Variants in IFT22 observed in about 807,000 individuals in gnomAD.
IFT22 encodes the protein intraflagellar transport 22, also known as intraflagellar transport protein 22 homolog.
Under a neutral mutation model 21.0 loss-of-function variants are expected in IFT22, and 13 were observed. That is an observed-to-expected ratio of 0.62 (90% CI 0.40 to 0.98). IFT22 has a LOEUF of 0.98. Ranked by LOEUF, IFT22 falls within the 50% of genes least tolerant of loss-of-function variation. The pLI is 0.00. For missense variants in IFT22, 227 were observed against 228.9 expected (o/e 0.99, Z 0.06); for synonymous variants, 67 against 82.4 (o/e 0.81, Z 1.01).
Position 101,315,997 on chromosome 7 carries a change from C to CT in IFT22, c.409+342dup, listed in dbSNP as rs59453200. ...TGAGCCACCGCACCCGGTCTTTTCT[C>CT]TTTTTTTTTTTTTTTTTTTGAGATG... On this transcript the variant is annotated intron_variant, in intron 4 of 4. Transcript: ENST00000315322. 1,342 of 141,864 alleles carry CT rather than the reference C, an allele frequency of 9.5e-3. 20 individuals carry two copies. The highest frequency in any genetic ancestry group is 0.031 in the African/African-American group (943 of 30,498). The allele number at this position is 141,864 out of a possible 1,614,324, so 8.8% of individuals were successfully genotyped here.
intron 1 of IFT22, among the ~76,000 whole-genome samples, chr7:101,319,607 T>C (rs924515608): frequency 2.0e-5 from 3 of 151,868 alleles, no homozygotes; most frequent in African/African-American, 7.3e-5. Context: ...ATGCAGCTGT[T>C]TGTCCATCTC....
chr7:101,310,976 A>G lies in IFT22; in HGVS notation c.*4158T>C. The stretch of plus-strand genomic sequence containing the variant: ...TACTCTGGCCATTCAGGTGAACAAA[A>G]TCTGCTGGGTTAATTTTTTTTTTTT... On this transcript the variant is annotated 3_prime_UTR_variant, in exon 5 of 5. Coordinates refer to ENST00000315322, the MANE Select transcript of IFT22 (RefSeq NM_022777.4). 3.4e-6 allele frequency: 1 copy of G among 297,268 alleles called. No homozygotes were observed. Among genetic ancestry groups the G allele is most frequent in the East Asian group, 8.0e-5 (1 of 12,462 alleles). 18.4% of individuals were successfully genotyped at this position (297,268 alleles called of 1,614,324 possible).
At chr7:101,320,883 A>G (rs900450192) in intron 1 of IFT22, among the ~76,000 whole-genome samples, 1 of 152,036 alleles carries the variant, frequency 6.6e-6, no homozygotes, top group Non-Finnish European at 1.5e-5. Flanking sequence ...GCGGTGGCTC[A>G]TCCCTATAAT....
intron 1 of IFT22, among the ~76,000 whole-genome samples, chr7:101,320,502 G>C (rs1790305267): frequency 6.9e-6 from 1 of 144,536 alleles, no homozygotes; most frequent in Admixed American, 6.9e-5. Flanking sequence ...CTTGTGATAT[G>C]CCTGCCTCGG....
chr7:101,313,560 G>T lies in IFT22; in HGVS notation c.*1574C>A, dbSNP rs36079227. On this transcript the variant is annotated 3_prime_UTR_variant, in exon 5 of 5. Coordinates refer to ENST00000315322, the MANE Select transcript of IFT22 (RefSeq NM_022777.4). Reference sequence around the variant, plus strand: ...GTTGGCCAGGATGGTCTCGATCTCTGGACCTTGTGATCCGCCTGCCTCGGC... The same window carrying T: ...GTTGGCCAGGATGGTCTCGATCTCTTGACCTTGTGATCCGCCTGCCTCGGC... 23,353 of 151,846 alleles carry T rather than the reference G, an allele frequency of 0.15. 1,889 individuals carry two copies. Among genetic ancestry groups the T allele is most frequent in the South Asian group, 0.16 (791 of 4,798 alleles). 9.4% of individuals were successfully genotyped at this position (151,846 alleles called of 1,614,324 possible).
intron 3 of IFT22, among the ~76,000 whole-genome samples, chr7:101,316,857 G>C (rs1283804195): frequency 6.6e-6 from 1 of 152,150 alleles, no homozygotes; most frequent in African/African-American, 2.4e-5. Flanking sequence ...CCAGGAGGCA[G>C]AGCTTGCAGT....
chr7:101,314,925 T>A lies in IFT22; in HGVS notation c.*209A>T, dbSNP rs1790095840. 1.8e-6 allele frequency: 1 copy of A among 546,466 alleles called. No homozygotes were observed. The highest frequency in any genetic ancestry group is 1.9e-5 in the African/African-American group (1 of 52,614). 33.9% of individuals were successfully genotyped at this position (546,466 alleles called of 1,614,324 possible). A position where few individuals can be genotyped will look rare whatever the true frequency, so the allele number is the denominator to read the frequency against. On this transcript the variant is annotated 3_prime_UTR_variant, in exon 5 of 5. Transcript: ENST00000315322. ...AGTTCTGGGGCCAGGAAATCCAAAT[T>A]TGATAATAGGATTTTCTCAACTGAA...
chr7:101,318,057 C>T (rs1266930915), intron 3 of IFT22, 67 bp downstream of exon 3: 18 of 1,396,794 alleles, frequency 1.3e-5, no homozygotes, highest in African/African-American at 4.3e-5. Context: ...TGTGAGCCAC[C>T]GCCCCTGGCT....
chr7:101,321,193 C>T (rs1790336455), intron 1 of IFT22, among the ~76,000 whole-genome samples: 1 of 151,650 alleles, frequency 6.6e-6, no homozygotes, highest in Non-Finnish European at 1.5e-5. Flanking sequence ...CGTGGTGGTG[C>T]ACGCCTGTAG....
At position 101,311,782 on chromosome 7, in the gene IFT22, C is replaced by T. The variant is rs79368751; in HGVS notation, c.*3352G>A. On this transcript the variant is annotated 3_prime_UTR_variant, in exon 5 of 5. Coordinates refer to ENST00000315322, the MANE Select transcript of IFT22 (RefSeq NM_022777.4). ...ATCCCAGCACTTTGGGAGGCTGAGG[C>T]GGGTAGACCACAAGGTCAGGAGTTC... Among the ~76,000 whole-genome samples, 1,015 of 151,778 alleles carry T rather than the reference C, an allele frequency of 6.7e-3. 27 individuals are homozygous for T. The East Asian group carries it at 0.092, about 14-fold the overall frequency.
rs188855274 is a variant in IFT22 at position 101,320,779 on chromosome 7, G to A, written c.39+892C>T. Among the ~76,000 whole-genome samples the A allele has an allele frequency of 4.3e-3, 661 of 152,196 alleles. 5 individuals carry two copies. The highest frequency in any genetic ancestry group is 0.015 in the African/African-American group (633 of 41,526). On this transcript the variant is annotated intron_variant, in intron 1 of 4. Transcript: ENST00000315322. ...GAACTTTGAGAGACTGAGGCGGGAG[G>A]ACTGTTTGAGCCCAAGAGTTGGAGA...
chr7:101,311,366 T>A lies in IFT22; in HGVS notation c.*3768A>T, dbSNP rs947316211. ...TAATTTCCTTTTGAGGTGGTCAATT[T>A]TGTGAGATGGATTCTTGTTAGGCAG... On this transcript the variant is annotated 3_prime_UTR_variant, in exon 5 of 5. Transcript: ENST00000315322. 6.6e-6 allele frequency among the ~76,000 whole-genome samples: 1 copy of A among 152,200 alleles called. No homozygotes were observed. The highest frequency in any genetic ancestry group is 1.5e-5 in the Non-Finnish European group (1 of 68,038).
intron 1 of IFT22, among the ~76,000 whole-genome samples, chr7:101,320,421 G>A (rs1423912370): frequency 2.0e-5 from 3 of 151,364 alleles, no homozygotes; most frequent in Non-Finnish European, 2.9e-5. Flanking sequence ...CACCACGCCC[G>A]GCTAATTTTT....
rs1233743773 is a variant in IFT22 at position 101,312,558 on chromosome 7, C to T, written c.*2576G>A. ...GTTTTTTTTTTTTTTTTTTTTGTGA[C>T]GGAGTCTCGCTATGTTGCCGAGGCT... On this transcript the variant is annotated 3_prime_UTR_variant, in exon 5 of 5. Transcript: ENST00000315322. Among the ~76,000 whole-genome samples the T allele has an allele frequency of 1.3e-5, 1 of 74,392 alleles. No homozygotes were observed. 48.8% of individuals were successfully genotyped at this position (74,392 alleles called of 152,430 possible). A position where few individuals can be genotyped will look rare whatever the true frequency, so the allele number is the denominator to read the frequency against.
At position 101,313,993 on chromosome 7, in the gene IFT22, A is replaced by G. The variant is rs1157390610; in HGVS notation, c.*1141T>C. On this transcript the variant is annotated 3_prime_UTR_variant, in exon 5 of 5. Transcript: ENST00000315322. ...TGCCTCAGCCACCTGAGTAGCTGGTATTACAGGCGTGTGCCAACACACCCT... is the reference window on the plus strand; with the variant it reads ...TGCCTCAGCCACCTGAGTAGCTGGTGTTACAGGCGTGTGCCAACACACCCT... 6.6e-6 allele frequency: 1 copy of G among 151,778 alleles called. No individual in the cohort carries two copies. The highest frequency in any genetic ancestry group is 1.9e-4 in the East Asian group (1 of 5,182). 9.4% of individuals were successfully genotyped at this position (151,778 alleles called of 1,614,324 possible).
intron 1 of IFT22, among the ~76,000 whole-genome samples, chr7:101,320,558 C>CTTTTT (rs397889268): frequency 6.9e-5 from 7 of 101,632 alleles, no homozygotes; most frequent in African/African-American, 2.2e-4. Context: ...CGCGCCCGGC[C>CTTTTT]TTTTTTTTTT....
At chr7:101,316,286 T>C (rs1344760769) in intron 4 of IFT22, 54 bp downstream of exon 4, 3 of 1,528,394 alleles carry the variant, frequency 2.0e-6, no homozygotes, top group Admixed American at 3.3e-5. Flanking sequence ...GGACAATATG[T>C]AGGTGTCCAA....
rs566488003 is a variant in IFT22 at position 101,314,098 on chromosome 7, C to G, written c.*1036G>C. 3 of 152,250 alleles carry G rather than the reference C, an allele frequency of 2.0e-5. No individual in the cohort carries two copies. The highest frequency in any genetic ancestry group is 4.4e-5 in the Non-Finnish European group (3 of 68,118). The allele number at this position is 152,250 out of a possible 1,614,324, so 9.4% of individuals were successfully genotyped here. On this transcript the variant is annotated 3_prime_UTR_variant, in exon 5 of 5. Coordinates refer to ENST00000315322, the MANE Select transcript of IFT22 (RefSeq NM_022777.4). ...TCTTGAACTCCTGGCCTCAAGTGAT[C>G]CGCCTGCCTTAGCATCCCAAAGTGC...
chr7:101,321,804 G>A lies in IFT22; in HGVS notation c.-95C>T. The A allele has an allele frequency of 8.3e-7, 1 of 1,200,402 alleles. No homozygotes were observed. The highest frequency in any genetic ancestry group is 1.1e-6 in the Non-Finnish European group (1 of 942,634). 74.4% of individuals were successfully genotyped at this position (1,200,402 alleles called of 1,614,324 possible). On this transcript the variant is annotated 5_prime_UTR_variant, in exon 1 of 5. Transcript: ENST00000315322. The stretch of plus-strand genomic sequence containing the variant: ...CCGCTTTCGTTTCCATGGCGACGGA[G>A]AGAGGCCCGCAGGGCCGACGGGACT...
Sources: allele counts gnomAD v4.1 joint callset (sites outside exome capture counted in the v4.1 genomes callset), GRCh38; gene constraint gnomAD v4.1.1; transcripts MANE v1.5; gene names NCBI Gene and HGNC (gene_info 2026-07-23, HGNC 2026-07-21).